EPB41: variants seen among roughly 807,000 people sequenced by gnomAD.
The protein encoded by EPB41 is erythrocyte membrane protein band 4.1.
A neutral mutation model predicts 108.0 loss-of-function variants in EPB41; 65 were observed. That is an observed-to-expected ratio of 0.60 (90% CI 0.49 to 0.74). EPB41 has a LOEUF of 0.74. EPB41 is among the 30% of genes least tolerant of loss of function. EPB41 has a pLI of 0.00. For synonymous variants in EPB41, 336 were observed against 358.9 expected, an observed-to-expected ratio of 0.94 and a Z score of 0.72; for missense variants, 875 against 1,037.0, an observed-to-expected ratio of 0.84 and a Z score of 2.15.
At chr1:28,939,886 C>T (rs1370978221) in intron 1 of EPB41, among the ~76,000 whole-genome samples, 1 of 152,148 alleles carries the variant, frequency 6.6e-6, no homozygotes, top group Non-Finnish European at 1.5e-5. Context: ...TTCTGTGAAT[C>T]AGGATTTTGG....
chr1:28,988,029 G>A, intron 2 of EPB41, 124 bp downstream of exon 2: 9 of 973,962 alleles, frequency 9.2e-6, no homozygotes, highest in East Asian at 2.6e-5. Flanking sequence ...TTGGGAGGCC[G>A]AGGCAGGCGG....
At chr1:29,076,762 G>A (rs945673354) in intron 16 of EPB41, among the ~76,000 whole-genome samples, 2 of 152,070 alleles carry the variant, frequency 1.3e-5, no homozygotes, top group Non-Finnish European at 2.9e-5. Context: ...GGCTCTTTAG[G>A]CCAAGCACGG....
At chr1:28,971,557 A>G (rs1383413653) in intron 1 of EPB41, among the ~76,000 whole-genome samples, 1 of 152,210 alleles carries the variant, frequency 6.6e-6, no homozygotes, top group African/African-American at 2.4e-5. Flanking sequence ...TTAGCCAATA[A>G]CAGATTAGAA....
At chr1:28,947,840 A>G (rs1024063236) in intron 1 of EPB41, among the ~76,000 whole-genome samples, 4 of 152,162 alleles carry the variant, frequency 2.6e-5, no homozygotes, top group Non-Finnish European at 5.9e-5. Context: ...GTTATTCTAG[A>G]TATACCGCAG....
chr1:28,922,119 G>C (rs1311768054), intron 1 of EPB41, among the ~76,000 whole-genome samples: 1 of 150,894 alleles, frequency 6.6e-6, no homozygotes, highest in Non-Finnish European at 1.5e-5. Context: ...ACAGGCACGT[G>C]CCACCACGCC....
chr1:28,982,459 C>T (rs1319354861), intron 1 of EPB41: 3 of 769,550 alleles, frequency 3.9e-6, no homozygotes, highest in Non-Finnish European at 7.2e-6. Flanking sequence ...TGTCACTTTG[C>T]AGGGGTAGTG....
At chr1:28,972,927 A>T (rs1428580815) in intron 1 of EPB41, among the ~76,000 whole-genome samples, 2 of 152,180 alleles carry the variant, frequency 1.3e-5, no homozygotes, top group African/African-American at 4.8e-5. Context: ...TAACATTCAA[A>T]TAATTTCAAG....
chr1:28,943,246 CAA>C (rs2094365678), intron 1 of EPB41, among the ~76,000 whole-genome samples: 1 of 152,016 alleles, frequency 6.6e-6, no homozygotes, highest in Non-Finnish European at 1.5e-5. Context: ...CTAATCGAGT[CAA>C]AAAATTTGTG....
chr1:29,024,143 T>C (rs2150154480), intron 7 of EPB41, among the ~76,000 whole-genome samples: 1 of 151,756 alleles, frequency 6.6e-6, no homozygotes, highest in Non-Finnish European at 1.5e-5. Context: ...GAGACCATCC[T>C]AGCCAACATG....
chr1:28,924,252 G>A (rs2093315427), intron 1 of EPB41, among the ~76,000 whole-genome samples: 1 of 152,220 alleles, frequency 6.6e-6, no homozygotes. Flanking sequence ...GCCCCTGGCC[G>A]GGTGCGTGGC....
chr1:28,931,125 A>G (rs1365736246), intron 1 of EPB41, among the ~76,000 whole-genome samples: 1 of 152,112 alleles, frequency 6.6e-6, no homozygotes, highest in Non-Finnish European at 1.5e-5. Context: ...TAGGCTGAGC[A>G]TGGTGGCTCA....
At chr1:28,982,618 G>A in intron 1 of EPB41, 1 of 1,284,284 alleles carries the variant, frequency 7.8e-7, no homozygotes, top group Non-Finnish European at 1.1e-6. Flanking sequence ...CATTTCGGCA[G>A]CAACCACTCG....
intron 8 of EPB41, among the ~76,000 whole-genome samples, chr1:29,032,640 A>T (rs2096804360): frequency 6.6e-6 from 1 of 152,172 alleles, no homozygotes; most frequent in Admixed American, 6.5e-5. Context: ...TTAATTTTTT[A>T]AAGTTGTCTT....
At chr1:29,092,448 G>C (rs2452767) in intron 16 of EPB41, among the ~76,000 whole-genome samples, 18,695 of 152,004 alleles carry the variant, frequency 0.12, 1,581 homozygotes, top group African/African-American at 0.25. Context: ...ATGGTCAAAG[G>C]CTCTTACCAA....
At position 29,105,743 on chromosome 1, in the gene EPB41, CTTTTTTT is replaced by C. The variant is rs63685960; in HGVS notation, c.2314-3576_2314-3570del. Among the ~76,000 whole-genome samples the C allele has an allele frequency of 7.7e-5, 7 of 91,082 alleles. No homozygotes were observed. The South Asian group carries it at 2.5e-3, about 33-fold the overall frequency. 59.8% of individuals were successfully genotyped at this position (91,082 alleles called of 152,430 possible). ...CTGCTATGAATGTTCATGTACAGATCTTTTTTTTTTTTTTTTTTTTTTTGAGACAGAG... is the reference window on the plus strand; with the variant it reads ...CTGCTATGAATGTTCATGTACAGATCTTTTTTTTTTTTTTTTGAGACAGAG... On this transcript the variant is annotated intron_variant, in intron 17 of 20. Transcript: ENST00000343067.
intron 4 of EPB41, among the ~76,000 whole-genome samples, chr1:29,000,475 TA>T (rs1211219473): frequency 6.6e-6 from 1 of 152,240 alleles, no homozygotes; most frequent in Non-Finnish European, 1.5e-5. Flanking sequence ...AAAGTGTTGT[TA>T]AAAGTGCTTA....
At chr1:28,891,975 C>G (rs940525942) in intron 1 of EPB41, among the ~76,000 whole-genome samples, 1 of 151,456 alleles carries the variant, frequency 6.6e-6, no homozygotes, top group South Asian at 2.1e-4. Context: ...CGTCTATAAT[C>G]CCAGCTACTC....
chr1:29,014,442 T>C (rs1188363651), intron 5 of EPB41, among the ~76,000 whole-genome samples: 2 of 152,158 alleles, frequency 1.3e-5, no homozygotes, highest in African/African-American at 4.8e-5. Flanking sequence ...ATGAGTATAG[T>C]ACGAGGTAAA....
intron 1 of EPB41, among the ~76,000 whole-genome samples, chr1:28,958,832 A>C (rs1322862718): frequency 6.6e-6 from 1 of 151,792 alleles, no homozygotes; most frequent in Non-Finnish European, 1.5e-5. Flanking sequence ...AAAAAAAAAA[A>C]AAAAAAAAGA....
Sources: gnomAD v4.1 joint callset for allele counts (sites outside exome capture counted in the v4.1 genomes callset) on GRCh38, gnomAD v4.1.1 for gene constraint, MANE v1.5 for transcripts, NCBI Gene and HGNC (gene_info 2026-07-23, HGNC 2026-07-21) for gene names.